CLIP2: variants seen among roughly 807,000 people sequenced by gnomAD.
The protein encoded by CLIP2 is CAP-Gly domain containing linker protein 2, also known as CAP-Gly domain-containing linker protein 2.
In CLIP2, 41 loss-of-function variants were observed where a neutral mutation model predicts 111.7. That is an observed-to-expected ratio of 0.37 (90% confidence interval 0.29 to 0.48). The LOEUF is 0.48. CLIP2 is among the 20% of genes least tolerant of loss of function. The pLI, the probability that CLIP2 is intolerant of heterozygous loss-of-function variation, is 0.99. For missense variants in CLIP2, 1,160 were observed against 1,422.1 expected, an observed-to-expected ratio of 0.82 and a Z score of 2.96; for synonymous variants, 660 against 644.2, an observed-to-expected ratio of 1.02 and a Z score of -0.37.
At chr7:74,361,194 T>TCCTTCCTTCCTTCCTTCCTTCCTTCCTC (rs1562709989) in intron 7 of CLIP2, among the ~76,000 whole-genome samples, 1 of 127,918 alleles carries the variant, frequency 7.8e-6, no homozygotes, top group South Asian at 3.1e-4. Context: ...CTTCCTTCCT[T>TCCTTCCTTCCTTCCTTCCTTCCTTCCTC]CCTTCCTTCC....
intron 1 of CLIP2, among the ~76,000 whole-genome samples, chr7:74,292,825 T>C (rs1788065067): frequency 6.6e-6 from 1 of 152,238 alleles, no homozygotes; most frequent in Non-Finnish European, 1.5e-5. Context: ...ACCTACTGTA[T>C]GCCTGGGAGG....
intron 8 of CLIP2, among the ~76,000 whole-genome samples, chr7:74,369,896 A>C: frequency 1.3e-5 from 1 of 78,922 alleles, no homozygotes; most frequent in South Asian, 5.6e-4. Flanking sequence ...ACGGTGGCTC[A>C]TGCCTGTAAT....
chr7:74,328,414 G>A (rs967013497), intron 2 of CLIP2, among the ~76,000 whole-genome samples: 18 of 152,162 alleles, frequency 1.2e-4, no homozygotes, highest in Admixed American at 2.6e-4. Context: ...TGTGTGGCCC[G>A]TCTGCATTTC....
intron 2 of CLIP2, among the ~76,000 whole-genome samples, chr7:74,337,462 C>A (rs1459244677): frequency 6.6e-6 from 1 of 151,930 alleles, no homozygotes; most frequent in Non-Finnish European, 1.5e-5. Context: ...ACATAGGGGC[C>A]ACAGGGGGTC....
chr7:74,397,404 G>A (rs997951064), intron 14 of CLIP2, among the ~76,000 whole-genome samples, 171 bp downstream of exon 14: 2 of 152,128 alleles, frequency 1.3e-5, no homozygotes, highest in Non-Finnish European at 2.9e-5. Context: ...GAGGGACCCT[G>A]GCTAGCCGCT....
intron 3 of CLIP2, among the ~76,000 whole-genome samples, chr7:74,350,659 G>A (rs1789957847): frequency 6.6e-6 from 1 of 151,878 alleles, no homozygotes; most frequent in South Asian, 2.1e-4. Context: ...GAGGCCAAGG[G>A]TTCAAGACCA....
In CLIP2 at chr7:74,390,206, AAAG is replaced by A. The variant is rs1791255761; in HGVS notation, c.2720+950_2720+952del. ...GAAAGAAAGAAAGAAAGAAAGAAAGAAAGAAAGAAAGAAAGAAAGGATTAATGC... is the reference window on the plus strand; with the variant it reads ...GAAAGAAAGAAAGAAAGAAAGAAAGAAAAGAAAGAAAGAAAGGATTAATGC... On this transcript the variant is annotated intron_variant, in intron 13 of 16. Coordinates refer to ENST00000223398, the MANE Select transcript of CLIP2 (RefSeq NM_003388.5). 5.0e-5 allele frequency among the ~76,000 whole-genome samples: 5 copies of A among 99,616 alleles called. 1 individual carries two copies. In the South Asian group the frequency reaches 1.4e-3, roughly 28 times the overall value. The allele number at this position is 99,616 out of a possible 152,430, so 65.4% of individuals were successfully genotyped here.
In CLIP2 at chr7:74,357,295, T is replaced by G; in HGVS notation, c.1033T>G (p.Ser345Ala). The part of the protein sequence containing the change: ...SRSGLLTETS[S>A]RYARKISGTT... ...CTTCCTGCAGCTCACGGAGACCTCT[T>G]CACGCTACGCCCGCAAGATCTCGGG... The change falls in exon 6 of 17, where the codon TCA becomes GCA. Residue 345 changes from serine (S) to alanine (A), a missense_variant. Physicochemically the swap from Ser to Ala is moderately conservative, Grantham distance 99 (BLOSUM62 1). Around this residue, in one of 5 missense-constraint regions of CLIP2, gnomAD observed 110 missense variants for 185.2 expected, o/e 0.59. Transcript: ENST00000223398. The G allele has an allele frequency of 1.9e-6, 3 of 1,613,960 alleles. No homozygotes were observed. The highest frequency in any genetic ancestry group is 2.5e-6 in the Non-Finnish European group (3 of 1,179,904).
chr7:74,323,156 G>GTTGCCA (rs1789009465), intron 2 of CLIP2, among the ~76,000 whole-genome samples: 1 of 151,542 alleles, frequency 6.6e-6, no homozygotes, highest in Non-Finnish European at 1.5e-5. Context: ...TGTTGCCCAG[G>GTTGCCA]CTGGAGTGCA....
At chr7:74,401,155 G>A (rs1791608503) in intron 15 of CLIP2, among the ~76,000 whole-genome samples, 1 of 150,158 alleles carries the variant, frequency 6.7e-6, no homozygotes, top group Admixed American at 6.6e-5. Context: ...GGGAGGTGGC[G>A]CTGTCCCAGG....
At chr7:74,330,248 C>CTTTTTTT (rs10635770) in intron 2 of CLIP2, among the ~76,000 whole-genome samples, 41 of 136,384 alleles carry the variant, frequency 3.0e-4, no homozygotes, top group South Asian at 6.9e-4. Flanking sequence ...TGTTTCTTTT[C>CTTTTTTT]TTTTTTTTTT....
chr7:74,357,181 C>T, intron 5 of CLIP2, 99 bp from the exon 6 acceptor site: 1 of 1,077,202 alleles, frequency 9.3e-7, no homozygotes, highest in Non-Finnish European at 1.4e-6. Flanking sequence ...CACTTGGGCT[C>T]CCACCTGCTA....
At chr7:74,305,015 CCCT>C (rs1326844686) in intron 1 of CLIP2, among the ~76,000 whole-genome samples, 2 of 151,796 alleles carry the variant, frequency 1.3e-5, no homozygotes, top group African/African-American at 4.8e-5. Context: ...CACCCCAGTC[CCCT>C]CCCACCACCA....
intron 9 of CLIP2, among the ~76,000 whole-genome samples, chr7:74,374,359 C>T (rs781938883): frequency 3.3e-5 from 5 of 152,202 alleles, no homozygotes; most frequent in African/African-American, 4.8e-5. Flanking sequence ...GACCCAGTCA[C>T]GGCGGACCGG....
chr7:74,332,209 G>A (rs1232133308), intron 2 of CLIP2, among the ~76,000 whole-genome samples: 1 of 151,998 alleles, frequency 6.6e-6, no homozygotes, highest in Non-Finnish European at 1.5e-5. Context: ...GAGTAGCTGG[G>A]ATTACAGGTG....
chr7:74,345,244 AT>A (rs1266260722), intron 3 of CLIP2, among the ~76,000 whole-genome samples: 2 of 151,248 alleles, frequency 1.3e-5, no homozygotes, highest in African/African-American at 4.9e-5. Flanking sequence ...TATTTCTTTA[AT>A]TTTTTTTTAG....
In CLIP2 at chr7:74,317,517, A is replaced by G. The variant is rs782297423; in HGVS notation, c.-30A>G. 1.4e-6 allele frequency: 2 copies of G among 1,385,894 alleles called. No homozygotes were observed. Among genetic ancestry groups the G allele is most frequent in the Admixed American group, 5.6e-5 (2 of 35,440 alleles). The allele number at this position is 1,385,894 out of a possible 1,614,324, so 85.8% of individuals were successfully genotyped here. A position where few individuals can be genotyped will look rare whatever the true frequency, so the allele number is the denominator to read the frequency against. On this transcript the variant is annotated 5_prime_UTR_variant, in exon 2 of 17. Coordinates refer to ENST00000223398, the MANE Select transcript of CLIP2 (RefSeq NM_003388.5). ...GGCAGAGAGGACGTGACCAGCACTC[A>G]CCCTTGTCCACCTGCCCAGTGGCAC...
chr7:74,394,255 T>C (rs559730210), intron 13 of CLIP2, among the ~76,000 whole-genome samples: 1 of 146,986 alleles, frequency 6.8e-6, no homozygotes, highest in African/African-American at 2.5e-5. Context: ...ATTTTTTTTT[T>C]TTTTTTTTTT....
At chr7:74,396,780 T>C (rs1791460287) in intron 13 of CLIP2, among the ~76,000 whole-genome samples, 2 of 152,100 alleles carry the variant, frequency 1.3e-5, no homozygotes, top group African/African-American at 2.4e-5. Context: ...CTCGGCCTTC[T>C]GAAGTGCTGG....
Sources: allele counts gnomAD v4.1 joint callset (sites outside exome capture counted in the v4.1 genomes callset), GRCh38; gene constraint gnomAD v4.1.1; regional missense constraint gnomAD v4.1.1; transcripts MANE v1.5; gene names NCBI Gene and HGNC (gene_info 2026-07-23, HGNC 2026-07-21).